Variants in XRN1 observed in about 807,000 individuals in gnomAD.
XRN1 encodes the protein 5'-3' exoribonuclease 1.
In XRN1, 67 loss-of-function variants were observed where a neutral mutation model predicts 222.3. That is an observed-to-expected ratio of 0.30 (90% CI 0.25 to 0.37). The LOEUF (loss-of-function observed/expected upper bound fraction) is 0.37, where lower values mean the gene tolerates loss of function less well. Among genes scored for constraint, XRN1 ranks in the 10% least tolerant of loss-of-function variants. The pLI, the probability that XRN1 is intolerant of heterozygous loss-of-function variation, is 1.00. For missense variants in XRN1, 1,707 were observed against 2,000.2 expected, an observed-to-expected ratio of 0.85 and a Z score of 2.80; for synonymous variants, 643 against 652.4, an observed-to-expected ratio of 0.99 and a Z score of 0.22.
At chr3:142,376,127 T>A in intron 24 of XRN1, 183 bp from the exon 25 acceptor site, 1 of 1,144,880 alleles carries the variant, frequency 8.7e-7, no homozygotes, top group Non-Finnish European at 1.2e-6. Context: ...ATTGAAAAAC[T>A]AGAAGAAAAG....
At chr3:142,421,668 T>G in intron 8 of XRN1, 125 bp from the exon 9 acceptor site, 1 of 584,216 alleles carries the variant, frequency 1.7e-6, no homozygotes, top group Non-Finnish European at 2.8e-6. Flanking sequence ...AAAAACAGTG[T>G]TGGACTATAT....
intron 2 of XRN1, chr3:142,429,622 A>C (rs1163045339): frequency 2.0e-5 from 3 of 152,224 alleles, no homozygotes; most frequent in Non-Finnish European, 4.4e-5. Context: ...ATACCAGCAC[A>C]GTATTTAATA....
chr3:142,331,949 A>AT (rs2065709618), intron 36 of XRN1, among the ~76,000 whole-genome samples: 1 of 151,944 alleles, frequency 6.6e-6, no homozygotes, highest in Admixed American at 6.6e-5. Flanking sequence ...TAACTTTTGT[A>AT]TTTTTTAGAG....
chr3:142,420,852 G>A (rs1340502892), intron 10 of XRN1, among the ~76,000 whole-genome samples, 164 bp downstream of exon 10: 1 of 151,812 alleles, frequency 6.6e-6, no homozygotes, highest in Non-Finnish European at 1.5e-5. Flanking sequence ...AATGACAGAA[G>A]CTAATAGAAA....
At chr3:142,373,690 C>T (rs2067053940) in intron 25 of XRN1, among the ~76,000 whole-genome samples, 1 of 152,064 alleles carries the variant, frequency 6.6e-6, no homozygotes, top group African/African-American at 2.4e-5. Context: ...ACAGTGGTTT[C>T]AAAATTCTGA....
intron 20 of XRN1, among the ~76,000 whole-genome samples, chr3:142,394,751 ACT>A (rs765865839): frequency 3.3e-5 from 5 of 152,084 alleles, no homozygotes; most frequent in Non-Finnish European, 7.4e-5. Context: ...CACAATTAAA[ACT>A]CTCTGAATAA....
chr3:142,332,585 C>A, intron 35 of XRN1, 51 bp from the exon 36 acceptor site: 1 of 1,488,102 alleles, frequency 6.7e-7, no homozygotes, highest in Non-Finnish European at 9.1e-7. Flanking sequence ...AGAACAAAGT[C>A]AACATTACAT....
At chr3:142,318,929 A>G (rs2065277462) in intron 37 of XRN1, 26 bp from the exon 38 acceptor site, 1 of 1,582,038 alleles carries the variant, frequency 6.3e-7, no homozygotes, top group Non-Finnish European at 8.7e-7. Context: ...ATATATGTCT[A>G]TGAAATTCTC....
intron 29 of XRN1, among the ~76,000 whole-genome samples, chr3:142,360,811 T>C (rs1456702253): frequency 6.7e-6 from 1 of 149,376 alleles, no homozygotes; most frequent in Non-Finnish European, 1.5e-5. Flanking sequence ...GAGGTGGAGC[T>C]TGCAGTGAGC....
intron 35 of XRN1, 43 bp downstream of exon 35, chr3:142,332,924 T>C (rs369297622): frequency 1.2e-6 from 2 of 1,606,960 alleles, no homozygotes; most frequent in Non-Finnish European, 1.7e-6. Flanking sequence ...TGGTCAACAG[T>C]CGAGAAATTA....
At chr3:142,431,927 A>AAT (rs1478272184) in intron 2 of XRN1, among the ~76,000 whole-genome samples, 3 of 92,674 alleles carry the variant, frequency 3.2e-5, no homozygotes, top group African/African-American at 1.4e-4. Flanking sequence ...TATATAATAT[A>AAT]ATATATTGTA....
In XRN1 at chr3:142,343,817, A is replaced by T. The variant is rs1043063974; in HGVS notation, c.3877+3417T>A. Among the ~76,000 whole-genome samples, 10 of 152,340 alleles carry T rather than the reference A, an allele frequency of 6.6e-5. No individual in the cohort carries two copies. The South Asian group carries it at 2.1e-3, about 32-fold the overall frequency. On this transcript the variant is annotated intron_variant, in intron 33 of 40. Coordinates refer to ENST00000392981, the MANE Select transcript of XRN1 (RefSeq NM_001282857.2). ...GTTGCAGCACTGTTCACAACAGCTA[A>T]GATTTGGAAACAACCTAAGTGTCCA...
At chr3:142,383,199 T>G (rs1400227524) in intron 22 of XRN1, 101 bp downstream of exon 22, 3 of 916,254 alleles carry the variant, frequency 3.3e-6, no homozygotes, top group Non-Finnish European at 5.1e-6. Flanking sequence ...CTTTATTTTT[T>G]CCCTTCATTA....
intron 33 of XRN1, among the ~76,000 whole-genome samples, chr3:142,344,998 C>A (rs548517805): frequency 1.3e-5 from 2 of 152,180 alleles, no homozygotes; most frequent in East Asian, 1.9e-4. Context: ...TCAAAACTTA[C>A]AACAAAGCTA....
chr3:142,406,779 T>C (rs542405219), intron 15 of XRN1, among the ~76,000 whole-genome samples: 1 of 151,968 alleles, frequency 6.6e-6, no homozygotes, highest in Admixed American at 6.5e-5. Context: ...CCTCCCAAAG[T>C]GTTGAGATTA....
At chr3:142,373,372 A>C (rs921003121) in intron 25 of XRN1, among the ~76,000 whole-genome samples, 14 of 152,134 alleles carry the variant, frequency 9.2e-5, no homozygotes, top group Non-Finnish European at 1.6e-4. Context: ...AAGGTTTAAG[A>C]TTGAACTAAA....
intron 18 of XRN1, among the ~76,000 whole-genome samples, chr3:142,401,785 T>A (rs1301741908): frequency 6.6e-6 from 1 of 152,188 alleles, no homozygotes; most frequent in Non-Finnish European, 1.5e-5. Flanking sequence ...GTCTACACAA[T>A]CTTAGCCTAG....
At chr3:142,416,556 C>T (rs970160246) in intron 13 of XRN1, among the ~76,000 whole-genome samples, 16 of 152,186 alleles carry the variant, frequency 1.1e-4, no homozygotes, top group African/African-American at 3.9e-4. Context: ...AATGAACACC[C>T]TCACATAACC....
chr3:142,351,767 C>T (rs2066312563), intron 32 of XRN1, among the ~76,000 whole-genome samples: 1 of 151,914 alleles, frequency 6.6e-6, no homozygotes, highest in African/African-American at 2.4e-5. Context: ...CTGATTTGAA[C>T]CTCAGTCAAG....
Sources: allele counts gnomAD v4.1 joint callset (sites outside exome capture counted in the v4.1 genomes callset), GRCh38; gene constraint gnomAD v4.1.1; transcripts MANE v1.5; gene names NCBI Gene and HGNC (gene_info 2026-07-23, HGNC 2026-07-21).